Variants in STPG2 observed in about 807,000 individuals in gnomAD.
STPG2 encodes the protein sperm tail PG-rich repeat containing 2, also known as sperm-tail PG-rich repeat-containing protein 2.
STPG2 carries 56 observed loss-of-function variants against 54.2 expected under a neutral mutation model. The observed-to-expected ratio is 1.03, with a 90% CI of 0.83 to 1.29. The LOEUF is 1.29. Among genes scored for constraint, STPG2 ranks in the 50% most tolerant of loss-of-function variants. The probability of loss-of-function intolerance (pLI) is 0.00; values close to 1 mark genes in which losing one functional copy is unlikely to be tolerated. For missense variants in STPG2, 596 were observed against 544.9 expected, an observed-to-expected ratio of 1.09 and a Z score of -0.93; for synonymous variants, 200 against 181.8, an observed-to-expected ratio of 1.10 and a Z score of -0.81.
intron 10 of STPG2, among the ~76,000 whole-genome samples, chr4:97,666,243 A>G (rs1400220808): frequency 6.6e-6 from 1 of 152,166 alleles, no homozygotes; most frequent in East Asian, 1.9e-4. Flanking sequence ...TCCATGAACC[A>G]TGCAGCCCCT....
At chr4:97,600,631 AGCAAACTAATG>A (rs1244912095) in intron 10 of STPG2, among the ~76,000 whole-genome samples, 2 of 152,146 alleles carry the variant, frequency 1.3e-5, no homozygotes, top group African/African-American at 4.8e-5. Flanking sequence ...ACACTGTGTG[AGCAAACTAATG>A]AGGCAGTGTC....
chr4:97,760,290 T>C (rs925056840), intron 9 of STPG2, among the ~76,000 whole-genome samples: 3 of 152,154 alleles, frequency 2.0e-5, no homozygotes, highest in Non-Finnish European at 4.4e-5. Context: ...CTACCTTCCA[T>C]ACCCTTCCCA....
At chr4:98,027,104 A>G (rs575781562) in intron 5 of STPG2, among the ~76,000 whole-genome samples, 5 of 152,278 alleles carry the variant, frequency 3.3e-5, no homozygotes, top group Admixed American at 6.5e-5. Flanking sequence ...AAAATGGCCA[A>G]TGTTCCCAGG....
intron 5 of STPG2, among the ~76,000 whole-genome samples, chr4:98,016,145 A>G (rs1735938801): frequency 1.3e-5 from 2 of 152,196 alleles, no homozygotes; most frequent in African/African-American, 4.8e-5. Flanking sequence ...ACCATGGCTC[A>G]TGTATACCTC....
Position 97,566,333 on chromosome 4 carries a change from G to A in STPG2, c.1321-7216C>T, listed in dbSNP as rs552905546. ...GGAGTGACCTGATTTTCCAGGTGCC[G>A]TCTGTTACCCCTTTCTTTGACTAGG... On this transcript the variant is annotated intron_variant, in intron 10 of 10. Transcript: ENST00000295268. Among the ~76,000 whole-genome samples, 640 of 152,202 alleles carry A rather than the reference G, an allele frequency of 4.2e-3. 3 individuals are homozygous for A. The highest frequency in any genetic ancestry group is 0.021 in the South Asian group (99 of 4,820).
chr4:97,826,763 A>G (rs1030892730), intron 9 of STPG2, among the ~76,000 whole-genome samples: 1 of 152,244 alleles, frequency 6.6e-6, no homozygotes. Flanking sequence ...TGTTATTGGT[A>G]TGTATTCCAA....
intron 10 of STPG2, among the ~76,000 whole-genome samples, chr4:97,664,557 G>A (rs766283430): frequency 6.6e-5 from 10 of 151,980 alleles, no homozygotes; most frequent in Non-Finnish European, 1.3e-4. Flanking sequence ...CTATTTAAAG[G>A]GTCAGATTTT....
intron 4 of STPG2, among the ~76,000 whole-genome samples, chr4:97,550,644 T>C (rs1400505177): frequency 2.0e-5 from 3 of 152,214 alleles, no homozygotes; most frequent in Admixed American, 6.5e-5. Flanking sequence ...TTGGTCTCGC[T>C]AACTTCAAGA....
intron 8 of STPG2, among the ~76,000 whole-genome samples, chr4:97,868,464 T>C (rs753784277): frequency 6.6e-5 from 10 of 151,852 alleles, no homozygotes; most frequent in Non-Finnish European, 1.5e-5. Context: ...TTCCCAGACA[T>C]TAGAGGTAGC....
intron 6 of STPG2, among the ~76,000 whole-genome samples, chr4:97,976,211 C>A (rs1029635567): frequency 5.9e-5 from 9 of 152,070 alleles, no homozygotes; most frequent in Non-Finnish European, 1.3e-4. Flanking sequence ...ATATATTATT[C>A]CCGCTGCTGT....
chr4:97,457,843 G>C (rs894342329), intron 4 of STPG2, among the ~76,000 whole-genome samples: 1 of 152,316 alleles, frequency 6.6e-6, no homozygotes, highest in Admixed American at 6.5e-5. Flanking sequence ...ATGGGGTGAT[G>C]TTAAAAGAAA....
intron 10 of STPG2, among the ~76,000 whole-genome samples, chr4:97,634,033 G>T (rs546107139): frequency 1.3e-5 from 2 of 152,154 alleles, no homozygotes; most frequent in Admixed American, 6.5e-5. Flanking sequence ...TCCACCTCTG[G>T]GGGCAGGGCA....
At chr4:97,781,237 G>A (rs1384444569) in intron 9 of STPG2, among the ~76,000 whole-genome samples, 3 of 152,096 alleles carry the variant, frequency 2.0e-5, no homozygotes, top group South Asian at 4.1e-4. Context: ...AATAAAAAAC[G>A]ATAAAGGAGA....
At chr4:97,821,290 C>A (rs965900895) in intron 9 of STPG2, among the ~76,000 whole-genome samples, 1 of 152,102 alleles carries the variant, frequency 6.6e-6, no homozygotes. Context: ...CCCTTATTAC[C>A]CCATATCCTA....
intron 1 of STPG2, among the ~76,000 whole-genome samples, chr4:98,139,790 C>T (rs376552767): frequency 7.3e-4 from 111 of 152,302 alleles, no homozygotes; most frequent in East Asian, 4.2e-3. Flanking sequence ...TTTTACCACA[C>T]GCTCCTTACT....
At chr4:97,564,417 C>A (rs1732362017) in intron 10 of STPG2, among the ~76,000 whole-genome samples, 1 of 152,064 alleles carries the variant, frequency 6.6e-6, no homozygotes. Context: ...TTAATTGGAG[C>A]ATTTAGTCCA....
At chr4:97,689,626 A>T (rs1488754679) in intron 10 of STPG2, among the ~76,000 whole-genome samples, 2 of 152,154 alleles carry the variant, frequency 1.3e-5, no homozygotes, top group African/African-American at 4.8e-5. Context: ...AAATTTAATA[A>T]TAACACAAGG....
chr4:97,958,743 G>C (rs551975576), intron 7 of STPG2, among the ~76,000 whole-genome samples: 1 of 152,176 alleles, frequency 6.6e-6, no homozygotes, highest in African/African-American at 2.4e-5. Context: ...CTAGACGTAA[G>C]AAATGAGATA....
chr4:97,836,451 CT>C (rs1560547148), intron 9 of STPG2, among the ~76,000 whole-genome samples: 1 of 151,858 alleles, frequency 6.6e-6, no homozygotes, highest in Admixed American at 6.6e-5. Context: ...ACTTAATAGA[CT>C]ATAGTATAGT....
Sources: gnomAD v4.1 joint callset for allele counts (sites outside exome capture counted in the v4.1 genomes callset) on GRCh38, gnomAD v4.1.1 for gene constraint, MANE v1.5 for transcripts, NCBI Gene and HGNC (gene_info 2026-07-23, HGNC 2026-07-21) for gene names.